Variants in TRUB1 observed in about 807,000 individuals in gnomAD.
TRUB1 encodes the protein TruB pseudouridine synthase family member 1.
TRUB1 carries 23 observed loss-of-function variants against 33.9 expected under a neutral mutation model. That is an observed-to-expected ratio of 0.68 (90% CI 0.49 to 0.96). TRUB1 has a LOEUF of 0.96. TRUB1 is among the 40% of genes least tolerant of loss of function. TRUB1 has a pLI of 0.00. For synonymous variants in TRUB1, 163 were observed against 165.4 expected (o/e 0.99, Z 0.11); for missense variants, 378 against 422.2 (o/e 0.90, Z 0.92).
intron 4 of TRUB1, among the ~76,000 whole-genome samples, chr10:114,962,337 G>A (rs183611083): frequency 6.6e-6 from 1 of 152,296 alleles, no homozygotes; most frequent in Admixed American, 6.5e-5. Flanking sequence ...TGCTATTTAG[G>A]AATAATAGAG....
chr10:114,963,229 T>C (rs1222872877), intron 4 of TRUB1, among the ~76,000 whole-genome samples: 1 of 152,210 alleles, frequency 6.6e-6, no homozygotes, highest in Non-Finnish European at 1.5e-5. Context: ...TGAGATCAGA[T>C]GTTACCAAGG....
At chr10:114,963,308 G>A (rs994734982) in intron 4 of TRUB1, among the ~76,000 whole-genome samples, 5 of 152,182 alleles carry the variant, frequency 3.3e-5, no homozygotes, top group Non-Finnish European at 7.4e-5. Context: ...TATATGGTTT[G>A]GCTGCTGAGA....
chr10:114,947,238 A>G (rs1018655166), intron 2 of TRUB1, among the ~76,000 whole-genome samples: 1 of 151,882 alleles, frequency 6.6e-6, no homozygotes, highest in Admixed American at 6.6e-5. Context: ...TAGCACCTCC[A>G]GAGAAGAACA....
chr10:114,948,739 A>G (rs138662092), intron 2 of TRUB1, among the ~76,000 whole-genome samples: 19 of 152,302 alleles, frequency 1.2e-4, no homozygotes, highest in Non-Finnish European at 2.1e-4. Flanking sequence ...TTTAAATTTT[A>G]TCCTTCTGGG....
At chr10:114,949,905 T>G (rs2084226756) in intron 2 of TRUB1, among the ~76,000 whole-genome samples, 2 of 150,814 alleles carry the variant, frequency 1.3e-5, no homozygotes, top group Admixed American at 1.3e-4. Context: ...AGTTTTTTTT[T>G]TTTTTTTTTT....
chr10:114,952,736 AATTGC>A (rs904709018), intron 3 of TRUB1, among the ~76,000 whole-genome samples: 1 of 152,188 alleles, frequency 6.6e-6, no homozygotes, highest in African/African-American at 2.4e-5. Context: ...AGAGTATAAA[AATTGC>A]ATTAGAATGA....
At chr10:114,949,713 A>G (rs2084225873) in intron 2 of TRUB1, among the ~76,000 whole-genome samples, 1 of 152,060 alleles carries the variant, frequency 6.6e-6, no homozygotes, top group African/African-American at 2.4e-5. Flanking sequence ...GGTTGCAGTG[A>G]GGAGAAAGCC....
At position 114,938,383 on chromosome 10, in the gene TRUB1, G is replaced by T. The variant is rs188026576; in HGVS notation, c.130G>T (p.Val44Phe). The T allele has an allele frequency of 1.2e-6, 2 of 1,608,666 alleles. No individual in the cohort carries two copies. The highest frequency in any genetic ancestry group is 1.7e-5 in the Admixed American group (1 of 58,598). Residue 44 changes from valine (V) to phenylalanine (F), a missense_variant, in exon 1 of 8, where the codon GTT (valine) becomes TTT (phenylalanine). By Grantham distance (50) the Val-to-Phe change is conservative. Transcript: ENST00000298746. The stretch of plus-strand genomic sequence containing the variant: ...GTCAGCAAGGGCTGCAGCCGCGGTG[G>T]TTGCGGCCGCGGCCAGGACCGGATC... The part of the protein sequence containing the change: ...TPSARAAAAV[V>F]AAAARTGSEA...
intron 3 of TRUB1, among the ~76,000 whole-genome samples, chr10:114,956,867 A>C (rs1393492929): frequency 6.6e-6 from 1 of 152,162 alleles, no homozygotes; most frequent in East Asian, 1.9e-4. Flanking sequence ...AATAAGTTTT[A>C]AGTGTGTATA....
In TRUB1 at chr10:114,970,842, G is replaced by A. The variant is rs192445508; in HGVS notation, c.596+402G>A. ...AATGTGCACTGCATGTCAGGTGCTG[G>A]GACCATTCCTATTGGGCACAATCTT... On this transcript the variant is annotated intron_variant, in intron 5 of 7. Coordinates refer to ENST00000298746, the MANE Select transcript of TRUB1 (RefSeq NM_139169.5). Among the ~76,000 whole-genome samples, 257 of 152,248 alleles carry A rather than the reference G, an allele frequency of 1.7e-3. 1 individual carries two copies. Among genetic ancestry groups the A allele is most frequent in the Middle Eastern group, 3.4e-3 (1 of 294 alleles).
intron 1 of TRUB1, among the ~76,000 whole-genome samples, chr10:114,940,291 T>C (rs944328176): frequency 5.3e-5 from 8 of 152,038 alleles, no homozygotes; most frequent in Non-Finnish European, 1.2e-4. Flanking sequence ...CCAGCTAATT[T>C]TGTATTTTTG....
At chr10:114,953,742 G>C (rs2143021351) in intron 3 of TRUB1, among the ~76,000 whole-genome samples, 1 of 152,278 alleles carries the variant, frequency 6.6e-6, no homozygotes, top group Middle Eastern at 3.4e-3. Flanking sequence ...AAGAAACAAG[G>C]TACTGGTATC....
At chr10:114,952,321 A>G (rs542915761) in intron 3 of TRUB1, among the ~76,000 whole-genome samples, 1 of 152,186 alleles carries the variant, frequency 6.6e-6, no homozygotes, top group Non-Finnish European at 1.5e-5. Context: ...TACACCTTTA[A>G]TACCAGCTAC....
chr10:114,943,773 A>C (rs945980601), intron 2 of TRUB1, among the ~76,000 whole-genome samples: 1 of 152,128 alleles, frequency 6.6e-6, no homozygotes, highest in Admixed American at 6.5e-5. Flanking sequence ...GCTATATATC[A>C]ATCTTCGAAT....
intron 6 of TRUB1, 93 bp from the exon 7 acceptor site, chr10:114,974,236 G>C (rs1336006240): frequency 5.7e-6 from 5 of 879,256 alleles, no homozygotes; most frequent in Admixed American, 2.1e-5. Context: ...TGTTTGCATA[G>C]TGCATTTTTA....
intron 2 of TRUB1, among the ~76,000 whole-genome samples, chr10:114,945,343 G>T (rs2084206842): frequency 6.6e-6 from 1 of 152,202 alleles, no homozygotes; most frequent in Admixed American, 6.5e-5. Flanking sequence ...GCCTATACCA[G>T]TTGATTAGAG....
chr10:114,941,351 T>A (rs76181407), intron 1 of TRUB1, among the ~76,000 whole-genome samples: 3 of 144,726 alleles, frequency 2.1e-5, no homozygotes, highest in African/African-American at 7.4e-5. Flanking sequence ...TTTTTTTTTT[T>A]AAACAGGACA....
intron 6 of TRUB1, 86 bp downstream of exon 6, chr10:114,972,360 G>A (rs1006293600): frequency 3.0e-5 from 41 of 1,384,626 alleles, no homozygotes; most frequent in Admixed American, 2.4e-4. Context: ...TAATAGATCC[G>A]TAGGATGTTG....
chr10:114,972,994 A>C, intron 6 of TRUB1, among the ~76,000 whole-genome samples: 1 of 152,150 alleles, frequency 6.6e-6, no homozygotes, highest in East Asian at 1.9e-4. Context: ...GACTCCTTTA[A>C]ATTGAGCCTA....
Sources: allele counts gnomAD v4.1 joint callset (sites outside exome capture counted in the v4.1 genomes callset), GRCh38; gene constraint gnomAD v4.1.1; transcripts MANE v1.5; gene names NCBI Gene and HGNC (gene_info 2026-07-23, HGNC 2026-07-21).